The following CNTLN variants were observed in gnomAD, a reference collection of about 807,000 sequenced individuals.
CNTLN encodes the protein centlein.
Under a neutral mutation model 180.0 loss-of-function variants are expected in CNTLN, and 212 were observed. The ratio of observed to expected loss-of-function variants is 1.18; its 90% CI spans 1.05 to 1.32. The LOEUF (loss-of-function observed/expected upper bound fraction) is 1.32, where lower values mean the gene tolerates loss of function less well. CNTLN is among the 40% of genes most tolerant of loss of function. The pLI is 0.00. For missense variants in CNTLN, 2,095 were observed against 1,610.9 expected, an observed-to-expected ratio of 1.30 and a Z score of -5.14; for synonymous variants, 722 against 563.1, an observed-to-expected ratio of 1.28 and a Z score of -3.99.
the CNTLN span, among the ~76,000 whole-genome samples, chr9:17,516,078 G>A: frequency 1.3e-5 from 2 of 152,072 alleles, no homozygotes; most frequent in South Asian, 2.1e-4. Context: ...TTCTCTGTCT[G>A]GAATTCTGTC....
At chr9:17,365,779 C>T (rs1287703348) in intron 12 of CNTLN, among the ~76,000 whole-genome samples, 1 of 152,060 alleles carries the variant, frequency 6.6e-6, no homozygotes, top group African/African-American at 2.4e-5. Flanking sequence ...CTTGGTAAAA[C>T]CCTGATTGTA....
At chr9:17,157,553 G>C (rs1008154825) in intron 2 of CNTLN, among the ~76,000 whole-genome samples, 4 of 152,122 alleles carry the variant, frequency 2.6e-5, no homozygotes, top group Non-Finnish European at 5.9e-5. Context: ...CGTTAGTTTT[G>C]GATGTGTTTG....
intron 13 of CNTLN, among the ~76,000 whole-genome samples, chr9:17,379,891 C>G (rs1825088587): frequency 6.6e-6 from 1 of 152,052 alleles, no homozygotes; most frequent in Admixed American, 6.6e-5. Context: ...TACCTTAAGC[C>G]CCTACCATGC....
chr9:17,445,150 A>G (rs1830328320), intron 18 of CNTLN, among the ~76,000 whole-genome samples: 1 of 152,150 alleles, frequency 6.6e-6, no homozygotes, highest in African/African-American at 2.4e-5. Flanking sequence ...TATACAGGGA[A>G]TAGAAAAAAA....
intron 18 of CNTLN, among the ~76,000 whole-genome samples, chr9:17,440,299 C>T (rs541340927): frequency 5.2e-4 from 79 of 151,688 alleles, no homozygotes; most frequent in African/African-American, 1.9e-3. Context: ...CACGGCCGGG[C>T]ATGGTGGCTC....
the CNTLN span, among the ~76,000 whole-genome samples, chr9:17,515,229 C>G: frequency 1.3e-5 from 2 of 152,308 alleles, no homozygotes; most frequent in South Asian, 2.1e-4. Context: ...GTACCCCACT[C>G]TTTCATGAAT....
chr9:17,298,234 C>T lies in CNTLN; in HGVS notation c.1028C>T (p.Thr343Ile). 6.2e-7 allele frequency: 1 copy of T among 1,609,668 alleles called. No individual in the cohort carries two copies. Among genetic ancestry groups the T allele is most frequent in the Non-Finnish European group, 8.5e-7 (1 of 1,178,484 alleles). The change falls in exon 7 of 26, where the codon ACA becomes ATA. Residue 343 changes from threonine (T) to isoleucine (I), a missense_variant. By Grantham distance (89) the Thr-to-Ile change is moderately conservative. Transcript: ENST00000380647. ...CAGAATCTTTACAAACAGAACAGTA[C>T]ACATACAGCCCAGCAAGCAGAGCTG... ...ELQNLYKQNS[T>I]HTAQQAELIQ...
At chr9:17,387,737 T>C (rs916003481) in intron 13 of CNTLN, among the ~76,000 whole-genome samples, 8 of 152,074 alleles carry the variant, frequency 5.3e-5, no homozygotes, top group Non-Finnish European at 1.0e-4. Flanking sequence ...CCTAATTCTG[T>C]TACTGTTTGC....
chr9:17,520,560 C>G, the CNTLN span, among the ~76,000 whole-genome samples: 2 of 152,190 alleles, frequency 1.3e-5, no homozygotes, highest in African/African-American at 4.8e-5. Flanking sequence ...CATGGCTCCC[C>G]GCTTGGAGGT....
intron 12 of CNTLN, among the ~76,000 whole-genome samples, chr9:17,346,786 A>T (rs1329228940): frequency 2.0e-5 from 3 of 152,084 alleles, no homozygotes; most frequent in African/African-American, 7.2e-5. Context: ...AATTTTTGTC[A>T]TTATTTCTTT....
chr9:17,154,877 A>G (rs117677248), intron 2 of CNTLN, among the ~76,000 whole-genome samples: 3 of 152,278 alleles, frequency 2.0e-5, no homozygotes, highest in African/African-American at 4.8e-5. Flanking sequence ...GTCCCTTTCC[A>G]TACTGTGGAA....
At chr9:17,217,833 A>G (rs1245238757) in intron 2 of CNTLN, among the ~76,000 whole-genome samples, 2 of 152,228 alleles carry the variant, frequency 1.3e-5, no homozygotes, top group African/African-American at 2.4e-5. Context: ...ATAGTCACTT[A>G]ATTTCTAACT....
At chr9:17,515,950 G>A in the CNTLN span, among the ~76,000 whole-genome samples, 1 of 152,056 alleles carries the variant, frequency 6.6e-6, no homozygotes, top group African/African-American at 2.4e-5. Context: ...GCATGACCTG[G>A]CCACCAGTTC....
chr9:17,186,267 ATGTTGTGTAG>A (rs1821431016), intron 2 of CNTLN, among the ~76,000 whole-genome samples: 1 of 152,146 alleles, frequency 6.6e-6, no homozygotes, highest in African/African-American at 2.4e-5. Flanking sequence ...TACATCATTC[ATGTTGTGTAG>A]TGTCTGTTCA....
intron 5 of CNTLN, among the ~76,000 whole-genome samples, chr9:17,262,819 T>A (rs1232763786): frequency 6.6e-6 from 1 of 151,348 alleles, no homozygotes; most frequent in Non-Finnish European, 1.5e-5. Flanking sequence ...TTTGCCAGTA[T>A]GATCAGTATG....
At chr9:17,293,590 G>A (rs1486541057) in intron 6 of CNTLN, among the ~76,000 whole-genome samples, 2 of 152,350 alleles carry the variant, frequency 1.3e-5, no homozygotes, top group African/African-American at 4.8e-5. Flanking sequence ...GTGCTGTGGG[G>A]AATTCCATCT....
chr9:17,517,827 A>G, the CNTLN span, among the ~76,000 whole-genome samples: 16 of 152,070 alleles, frequency 1.1e-4, no homozygotes, highest in African/African-American at 3.9e-4. Context: ...GCCCTGGGAA[A>G]GTAATACAAA....
chr9:17,511,602 C>T, the CNTLN span, among the ~76,000 whole-genome samples: 1 of 151,662 alleles, frequency 6.6e-6, no homozygotes, highest in African/African-American at 2.4e-5. Flanking sequence ...CTTTGCCACA[C>T]GAGTCTCTTC....
chr9:17,347,808 A>G (rs1291289803), intron 12 of CNTLN, among the ~76,000 whole-genome samples: 3 of 152,128 alleles, frequency 2.0e-5, no homozygotes, highest in Admixed American at 1.3e-4. Flanking sequence ...GGGCAAAACT[A>G]TCTAACACAA....
Sources: gnomAD v4.1 joint callset for allele counts (sites outside exome capture counted in the v4.1 genomes callset) on GRCh38, gnomAD v4.1.1 for gene constraint, MANE v1.5 for transcripts, NCBI Gene and HGNC (gene_info 2026-07-23, HGNC 2026-07-21) for gene names.